The following NLGN1 variants were observed in gnomAD, a reference collection of about 807,000 sequenced individuals.
NLGN1 encodes the protein neuroligin-1.
In NLGN1, 12 loss-of-function variants were observed where a neutral mutation model predicts 65.5. The observed-to-expected ratio is 0.18, with a 90% confidence interval of 0.12 to 0.30. The LOEUF (loss-of-function observed/expected upper bound fraction) is 0.30. NLGN1 is among the 10% of genes least tolerant of loss of function. The probability of loss-of-function intolerance (pLI) is 1.00; values close to 1 mark genes in which losing one functional copy is unlikely to be tolerated. For synonymous variants in NLGN1, 350 were observed against 359.5 expected (o/e 0.97, Z 0.30); for missense variants, 750 against 1,007.1 (o/e 0.74, Z 3.46).
chr3:173,663,560 C>T (rs1761259100), intron 3 of NLGN1, among the ~76,000 whole-genome samples: 1 of 151,814 alleles, frequency 6.6e-6, no homozygotes. Flanking sequence ...TAATAAATAG[C>T]ATTGGAAAGG....
chr3:173,932,852 A>G (rs1744355002), intron 4 of NLGN1, among the ~76,000 whole-genome samples: 2 of 152,154 alleles, frequency 1.3e-5, no homozygotes, highest in South Asian at 4.1e-4. Context: ...CTCATCCCAG[A>G]CACTGGCTGC....
chr3:173,852,604 G>A (rs1352369784), intron 4 of NLGN1, among the ~76,000 whole-genome samples: 1 of 151,946 alleles, frequency 6.6e-6, no homozygotes, highest in African/African-American at 2.4e-5. Flanking sequence ...ACCCCTAATT[G>A]TTAGTAATAC....
At position 173,774,397 on chromosome 3, in the gene NLGN1, T is replaced by C. The variant is rs912500297; in HGVS notation, c.494-33283T>C. On this transcript the variant is annotated intron_variant, in intron 3 of 6. Coordinates refer to ENST00000457714, the Ensembl canonical transcript of NLGN1. Reference sequence around the variant, plus strand: ...ACACTCACTAATATTTCTCTGAGTTTTTGGATACCCAGTCATCCTATCTTT... The same window carrying C: ...ACACTCACTAATATTTCTCTGAGTTCTTGGATACCCAGTCATCCTATCTTT... 3.3e-5 allele frequency among the ~76,000 whole-genome samples: 5 copies of C among 152,328 alleles called. No individual in the cohort carries two copies. In the East Asian group the frequency reaches 7.7e-4, roughly 24 times the overall value.
intron 2 of NLGN1, among the ~76,000 whole-genome samples, chr3:173,538,757 C>T (rs1007418779): frequency 5.9e-5 from 9 of 152,020 alleles, no homozygotes; most frequent in South Asian, 2.1e-4. Context: ...TAGGTAATTG[C>T]GGAAAGAAGC....
chr3:173,946,668 C>T (rs1293732726), intron 4 of NLGN1, among the ~76,000 whole-genome samples: 12 of 152,142 alleles, frequency 7.9e-5, no homozygotes. Context: ...AACTGCCCTA[C>T]CGAAAGATTA....
chr3:174,229,164 G>C (rs945550185), intron 4 of NLGN1, among the ~76,000 whole-genome samples: 1 of 151,838 alleles, frequency 6.6e-6, no homozygotes, highest in African/African-American at 2.4e-5. Context: ...GAATTATTAA[G>C]AGAACTAAAT....
chr3:173,891,059 GC>G (rs761239584), intron 4 of NLGN1, among the ~76,000 whole-genome samples: 2 of 152,152 alleles, frequency 1.3e-5, no homozygotes, highest in Non-Finnish European at 2.9e-5. Flanking sequence ...GAAGGAGCTT[GC>G]CCTTATTCAA....
chr3:174,287,208 A>G (rs1231116259), downstream of NLGN1, among the ~76,000 whole-genome samples: 3 of 151,524 alleles, frequency 2.0e-5, no homozygotes, highest in Admixed American at 2.0e-4. Flanking sequence ...GTTTTGTACT[A>G]TCTAATCAAT....
chr3:174,264,556 G>A (rs918166990), intron 4 of NLGN1, among the ~76,000 whole-genome samples: 143 of 149,212 alleles, frequency 9.6e-4, no homozygotes, highest in African/African-American at 3.4e-3. Context: ...GCACTTCTCT[G>A]TATTGGTTAT....
intron 4 of NLGN1, among the ~76,000 whole-genome samples, chr3:173,931,522 A>G (rs536367804): frequency 6.6e-6 from 1 of 152,290 alleles, no homozygotes; most frequent in East Asian, 1.9e-4. Flanking sequence ...AGAGCATTCC[A>G]GGCAGAAGAA....
intron 5 of NLGN1, among the ~76,000 whole-genome samples, chr3:174,277,995 TAA>T (rs1238190539): frequency 6.6e-6 from 1 of 151,960 alleles, no homozygotes; most frequent in Admixed American, 6.6e-5. Flanking sequence ...AATGAGAAGA[TAA>T]AGTGTGTTTG....
intron 4 of NLGN1, among the ~76,000 whole-genome samples, chr3:174,114,627 C>T (rs1715972799): frequency 6.6e-6 from 1 of 152,068 alleles, no homozygotes; most frequent in African/African-American, 2.4e-5. Flanking sequence ...TTTTAAATTA[C>T]AATTTTGTTA....
intron 4 of NLGN1, among the ~76,000 whole-genome samples, chr3:174,107,408 G>A (rs1175015732): frequency 6.6e-6 from 1 of 152,022 alleles, no homozygotes; most frequent in Admixed American, 6.6e-5. Flanking sequence ...CTTATGCCCG[G>A]CATTTTTCCC....
chr3:173,901,044 G>A (rs563614294), intron 4 of NLGN1, among the ~76,000 whole-genome samples: 1 of 152,032 alleles, frequency 6.6e-6, no homozygotes, highest in Non-Finnish European at 1.5e-5. Flanking sequence ...AAGCACCTAA[G>A]AATACTCTTA....
At chr3:173,474,774 A>G (rs927743910) in intron 2 of NLGN1, among the ~76,000 whole-genome samples, 10 of 152,168 alleles carry the variant, frequency 6.6e-5, no homozygotes, top group Admixed American at 1.3e-4. Context: ...TCTGGCCAAC[A>G]TGGTGAAACC....
chr3:173,640,233 C>T (rs1757193639), intron 3 of NLGN1, among the ~76,000 whole-genome samples: 1 of 152,058 alleles, frequency 6.6e-6, no homozygotes, highest in African/African-American at 2.4e-5. Context: ...TAAAGTCAGT[C>T]ATCTGAAGCC....
intron 4 of NLGN1, among the ~76,000 whole-genome samples, chr3:173,954,954 A>AT (rs200039212): frequency 1.6e-3 from 233 of 150,054 alleles, no homozygotes; most frequent in African/African-American, 4.9e-3. Context: ...GGAATTGGCA[A>AT]TTTTTTTTTT....
chr3:173,820,148 C>A, intron 4 of NLGN1, among the ~76,000 whole-genome samples: 1 of 147,582 alleles, frequency 6.8e-6, no homozygotes, highest in East Asian at 2.2e-4. Context: ...CACTGCACTC[C>A]AGCCTGGGAG....
intron 4 of NLGN1, among the ~76,000 whole-genome samples, chr3:173,937,520 C>T (rs964167827): frequency 1.2e-4 from 18 of 152,032 alleles, no homozygotes; most frequent in African/African-American, 4.3e-4. Context: ...TTTATTACTA[C>T]TGAGAATTAA....
Sources: allele counts gnomAD v4.1 joint callset (sites outside exome capture counted in the v4.1 genomes callset), GRCh38; gene constraint gnomAD v4.1.1; transcripts MANE v1.5; gene names NCBI Gene and HGNC (gene_info 2026-07-23, HGNC 2026-07-21).